The following COL6A5 variants were observed in gnomAD, a reference collection of about 807,000 sequenced individuals.
The protein encoded by COL6A5 is collagen type VI alpha 5 chain.
In COL6A5, 48 loss-of-function variants were observed where a neutral mutation model predicts 65.6. The ratio of observed to expected loss-of-function variants is 0.73; its 90% CI spans 0.58 to 0.93. The LOEUF (loss-of-function observed/expected upper bound fraction) is 0.93. Among genes scored for constraint, COL6A5 ranks in the 40% least tolerant of loss-of-function variants. The pLI is 0.00. For synonymous variants in COL6A5, 291 were observed against 322.8 expected (o/e 0.90, Z 1.05); for missense variants, 914 against 928.3 (o/e 0.98, Z 0.20).
At chr3:130,471,745 C>G (rs1439058529) in intron 7 of COL6A5, 1 of 1,534,208 alleles carries the variant, frequency 6.5e-7, no homozygotes. Flanking sequence ...AATTTGATTC[C>G]CAGGCACAAC....
Position 130,397,939 on chromosome 3 carries a change from T to G in COL6A5, c.3909+16T>G, listed in dbSNP as rs1437664971. On this transcript the variant is annotated intron_variant and NMD_transcript_variant, in intron 9 of 41. Transcript: ENST00000312481. ...CCGGGGCCAGGTATCCATATTACAT[T>G]CTATCTCCCATCTCCACATTCTCCC... 3 of 1,548,036 alleles carry G rather than the reference T, an allele frequency of 1.9e-6. No homozygotes were observed. Among genetic ancestry groups the G allele is most frequent in the Non-Finnish European group, 2.6e-6 (3 of 1,143,912 alleles).
chr3:130,420,091 T>C (rs1937481751), intron 25 of COL6A5, among the ~76,000 whole-genome samples: 1 of 151,864 alleles, frequency 6.6e-6, no homozygotes, highest in African/African-American at 2.4e-5. Context: ...TCTTAAAAAG[T>C]ATCTTTTTAT....
chr3:130,370,313 G>A (rs1416570141), intron 1 of COL6A5, among the ~76,000 whole-genome samples: 2 of 152,118 alleles, frequency 1.3e-5, no homozygotes, highest in African/African-American at 4.8e-5. Context: ...CTGACTTCAT[G>A]TACCAAATCC....
At chr3:130,401,834 C>T (rs952300636) in exon 12 of COL6A5, 7 of 1,551,056 alleles carry the variant, frequency 4.5e-6, no homozygotes, top group Admixed American at 2.0e-5. Context: ...TCATGGGACC[C>T]GAGGACTACA....
At chr3:130,397,619 C>T in exon 9 of COL6A5, 3 of 1,551,288 alleles carry the variant, frequency 1.9e-6, no homozygotes, top group Non-Finnish European at 2.6e-6. Flanking sequence ...TTTGACATCT[C>T]CACTCATGTG....
chr3:130,346,853 A>G (rs1934496682), intron 1 of COL6A5, among the ~76,000 whole-genome samples: 3 of 152,204 alleles, frequency 2.0e-5, no homozygotes, highest in Non-Finnish European at 4.4e-5. Context: ...TGAATTCTGA[A>G]CAAAAATCCT....
chr3:130,398,140 T>G (rs1019032619), intron 10 of COL6A5, 29 bp downstream of exon 10: 1 of 1,463,000 alleles, frequency 6.8e-7, no homozygotes, highest in Non-Finnish European at 9.2e-7. Context: ...TTTTTTTTTT[T>G]TTTTTTTTGA....
intron 1 of COL6A5, among the ~76,000 whole-genome samples, chr3:130,435,675 G>A (rs1360638099): frequency 2.0e-5 from 3 of 152,112 alleles, no homozygotes; most frequent in African/African-American, 7.2e-5. Flanking sequence ...GTATTGCTAA[G>A]TATTGTATTC....
At chr3:130,354,756 G>A (rs1934861130) in intron 1 of COL6A5, among the ~76,000 whole-genome samples, 1 of 152,194 alleles carries the variant, frequency 6.6e-6, no homozygotes, top group African/African-American at 2.4e-5. Context: ...GGGACTCTGG[G>A]ATGGAAGGCC....
intron 7 of COL6A5, 118 bp downstream of exon 7, chr3:130,391,872 C>T: frequency 1.3e-6 from 1 of 790,504 alleles, no homozygotes; most frequent in Non-Finnish European, 2.0e-6. Context: ...TTTCTCTGCT[C>T]AGGCTATCAG....
At chr3:130,476,757 A>G in intron 7 of COL6A5, 1 of 501,044 alleles carries the variant, frequency 2.0e-6, no homozygotes, top group Non-Finnish European at 3.8e-6. Flanking sequence ...ATTATCATCA[A>G]GTGTGCGTCT....
intron 2 of COL6A5, among the ~76,000 whole-genome samples, chr3:130,374,836 C>T (rs991928062): frequency 2.6e-5 from 4 of 152,080 alleles, no homozygotes; most frequent in Non-Finnish European, 2.9e-5. Flanking sequence ...GTGAAGCACA[C>T]GACTGTGTGA....
At chr3:130,418,194 G>C (rs917436275) in intron 24 of COL6A5, among the ~76,000 whole-genome samples, 4 of 152,034 alleles carry the variant, frequency 2.6e-5, no homozygotes, top group Non-Finnish European at 5.9e-5. Flanking sequence ...TAATAAGGTA[G>C]GGGGTCATTT....
In COL6A5 at chr3:130,464,233, G is replaced by A. The variant is rs149688486; in HGVS notation, c.1545-4562G>A. On this transcript the variant is annotated intron_variant, in intron 5 of 7. Transcript: ENST00000512836. Reference sequence around the variant, plus strand: ...TGCAGCCTGAAACTCCTGGGTTCAAGCGATCCTCCTGCATAAGCCTCTCAA... The same window carrying A: ...TGCAGCCTGAAACTCCTGGGTTCAAACGATCCTCCTGCATAAGCCTCTCAA... 9.9e-3 allele frequency among the ~76,000 whole-genome samples: 1,502 copies of A among 152,088 alleles called. 19 individuals carry two copies. Among genetic ancestry groups the A allele is most frequent in the Non-Finnish European group, 0.016 (1,087 of 67,970 alleles).
intron 21 of COL6A5, 70 bp from the exon 22 acceptor site, chr3:130,413,999 A>T: frequency 8.8e-7 from 1 of 1,133,880 alleles, no homozygotes; most frequent in Non-Finnish European, 1.3e-6. Context: ...TGATGTAAAT[A>T]GTATGAAAAG....
intron 1 of COL6A5, among the ~76,000 whole-genome samples, chr3:130,436,313 AC>A (rs1474625763): frequency 6.6e-6 from 1 of 151,756 alleles, no homozygotes; most frequent in Non-Finnish European, 1.5e-5. Flanking sequence ...GCTGGCAGAG[AC>A]CCTCTGTCTA....
At chr3:130,381,150 A>G (rs555684197) in intron 4 of COL6A5, among the ~76,000 whole-genome samples, 6 of 152,132 alleles carry the variant, frequency 3.9e-5, no homozygotes, top group Admixed American at 6.6e-5. Context: ...AGTTATAAAA[A>G]TGGAAGCTGG....
At chr3:130,445,892 G>A (rs1268959463) in intron 4 of COL6A5, among the ~76,000 whole-genome samples, 1 of 152,130 alleles carries the variant, frequency 6.6e-6, no homozygotes, top group Non-Finnish European at 1.5e-5. Flanking sequence ...CTGCATGTGA[G>A]TTAACACAGT....
chr3:130,397,589 T>C (rs1936644975), exon 9 of COL6A5: 2 of 1,548,590 alleles, frequency 1.3e-6, no homozygotes, highest in African/African-American at 2.7e-5. Context: ...CTAGATTGCT[T>C]TATGGACATA....
Sources: allele counts gnomAD v4.1 joint callset (sites outside exome capture counted in the v4.1 genomes callset), GRCh38; gene constraint gnomAD v4.1.1; transcripts MANE v1.5; gene names NCBI Gene and HGNC (gene_info 2026-07-23, HGNC 2026-07-21).